RNGTT: variants seen among roughly 807,000 people sequenced by gnomAD.
The protein encoded by RNGTT is RNA guanylyltransferase and 5'-phosphatase, also known as mRNA-capping enzyme.
RNGTT carries 33 observed loss-of-function variants against 79.3 expected under a neutral mutation model. The observed-to-expected ratio is 0.42, with a 90% confidence interval of 0.32 to 0.56. RNGTT has a LOEUF of 0.56. Among genes scored for constraint, RNGTT ranks in the 20% least tolerant of loss-of-function variants. RNGTT has a pLI of 0.17. For missense variants in RNGTT, 497 were observed against 739.1 expected (o/e 0.67, Z 3.80); for synonymous variants, 222 against 235.9 (o/e 0.94, Z 0.54).
At chr6:88,880,952 T>C (rs549756121) in intron 8 of RNGTT, among the ~76,000 whole-genome samples, 1 of 152,286 alleles carries the variant, frequency 6.6e-6, no homozygotes, top group Admixed American at 6.5e-5. Context: ...AAAGCAGATT[T>C]CACAATTACA....
At chr6:88,689,716 T>C (rs1775412164) in intron 13 of RNGTT, among the ~76,000 whole-genome samples, 1 of 151,870 alleles carries the variant, frequency 6.6e-6, no homozygotes. Flanking sequence ...TTCACCAATA[T>C]TTAAAATATT....
chr6:88,637,228 C>T (rs908715019), intron 14 of RNGTT, among the ~76,000 whole-genome samples: 4 of 151,924 alleles, frequency 2.6e-5, no homozygotes, highest in African/African-American at 9.7e-5. Flanking sequence ...TCTTCCATTC[C>T]CTCTCCTTCA....
At chr6:88,720,445 C>G (rs543810889) in intron 13 of RNGTT, among the ~76,000 whole-genome samples, 1 of 152,102 alleles carries the variant, frequency 6.6e-6, no homozygotes, top group African/African-American at 2.4e-5. Flanking sequence ...ATTTTTCATA[C>G]AAGTTATACC....
chr6:88,867,629 T>C (rs1054752847), intron 8 of RNGTT, among the ~76,000 whole-genome samples: 1 of 152,202 alleles, frequency 6.6e-6, no homozygotes, highest in Non-Finnish European at 1.5e-5. Context: ...CAATAGATTT[T>C]CTCTTCTTAG....
In RNGTT at chr6:88,752,859, CATAAAT is replaced by C. The variant is rs554615933; in HGVS notation, c.1439+16909_1439+16914del. On this transcript the variant is annotated intron_variant, in intron 13 of 15. Coordinates refer to ENST00000369485, the MANE Select transcript of RNGTT (RefSeq NM_003800.5). ...CTGTATCAAAACATCTCATGTACCT[CATAAAT>C]ATAAACACCTACTATGTACCCACAA... 6.8e-3 allele frequency among the ~76,000 whole-genome samples: 1,027 copies of C among 152,046 alleles called. 5 individuals are homozygous for C. Among genetic ancestry groups the C allele is most frequent in the Middle Eastern group, 0.048 (14 of 294 alleles).
At chr6:88,631,624 G>C (rs753588268) in intron 14 of RNGTT, among the ~76,000 whole-genome samples, 5 of 152,026 alleles carry the variant, frequency 3.3e-5, no homozygotes, top group Admixed American at 6.6e-5. Context: ...CTGAGATCTT[G>C]AGCAACATTT....
At chr6:88,864,325 T>C (rs966420377) in intron 8 of RNGTT, among the ~76,000 whole-genome samples, 5 of 152,156 alleles carry the variant, frequency 3.3e-5, no homozygotes, top group African/African-American at 4.8e-5. Context: ...GGTTGAAGTA[T>C]AGTTGAAATG....
chr6:88,630,888 T>C (rs571621398), intron 14 of RNGTT, among the ~76,000 whole-genome samples: 1 of 152,214 alleles, frequency 6.6e-6, no homozygotes, highest in Non-Finnish European at 1.5e-5. Flanking sequence ...GGAAATTTGT[T>C]TGCTTTGTTA....
At chr6:88,936,883 C>T (rs201156073) in intron 2 of RNGTT, among the ~76,000 whole-genome samples, 2 of 152,156 alleles carry the variant, frequency 1.3e-5, no homozygotes, top group African/African-American at 4.8e-5. Flanking sequence ...GCATCCGGTC[C>T]TAGACTTTTT....
chr6:88,802,637 T>A (rs1779828142), intron 11 of RNGTT, among the ~76,000 whole-genome samples: 1 of 152,176 alleles, frequency 6.6e-6, no homozygotes, highest in South Asian at 2.1e-4. Flanking sequence ...GGACTTGCTG[T>A]TCCACATGGC....
intron 14 of RNGTT, among the ~76,000 whole-genome samples, chr6:88,622,995 C>T (rs9451034): frequency 0.03 from 4,563 of 152,032 alleles, 234 homozygotes; most frequent in African/African-American, 0.1. Context: ...GAGACTAATG[C>T]AGAGAGAAAA....
intron 1 of RNGTT, among the ~76,000 whole-genome samples, chr6:88,944,491 C>T (rs1409374043): frequency 3.3e-5 from 5 of 152,080 alleles, no homozygotes; most frequent in South Asian, 2.1e-4. Context: ...CCCTTCTGCT[C>T]GGGATTTCCT....
Position 88,949,308 on chromosome 6 carries a change from C to A in RNGTT, c.65-8128G>T, listed in dbSNP as rs1785165779. On this transcript the variant is annotated intron_variant, in intron 1 of 15. Coordinates refer to ENST00000369485, the MANE Select transcript of RNGTT (RefSeq NM_003800.5). ...ACAGAGTCTTGCTCTGTTGCCCAGG[C>A]TGGAGTCAGTAGCACAACCTCGGCT... Among the ~76,000 whole-genome samples, 3 of 136,592 alleles carry A rather than the reference C, an allele frequency of 2.2e-5. No homozygotes were observed. The South Asian group carries it at 6.9e-4, about 31-fold the overall frequency. The allele number at this position is 136,592 out of a possible 152,430, so 89.6% of individuals were successfully genotyped here.
chr6:88,706,186 T>C (rs1582359923), intron 13 of RNGTT, among the ~76,000 whole-genome samples: 1 of 152,176 alleles, frequency 6.6e-6, no homozygotes, highest in East Asian at 1.9e-4. Flanking sequence ...AGTCTTAGAA[T>C]GAATATGCAT....
At chr6:88,837,473 C>T (rs1009660243) in intron 11 of RNGTT, among the ~76,000 whole-genome samples, 1 of 151,818 alleles carries the variant, frequency 6.6e-6, no homozygotes, top group African/African-American at 2.4e-5. Flanking sequence ...CTGATGAAAA[C>T]AGAGTATAAC....
At chr6:88,925,155 G>A (rs1393189890) in intron 4 of RNGTT, among the ~76,000 whole-genome samples, 3 of 151,708 alleles carry the variant, frequency 2.0e-5, no homozygotes, top group African/African-American at 7.3e-5. Context: ...TGTTAGTATA[G>A]CAGTGACAAG....
At chr6:88,810,375 G>T (rs1780097843) in intron 11 of RNGTT, among the ~76,000 whole-genome samples, 1 of 152,108 alleles carries the variant, frequency 6.6e-6, no homozygotes, top group African/African-American at 2.4e-5. Context: ...CTGAGTAATA[G>T]GTAGGAATGA....
intron 11 of RNGTT, among the ~76,000 whole-genome samples, chr6:88,823,391 G>A (rs776729500): frequency 1.3e-4 from 20 of 151,196 alleles, no homozygotes; most frequent in Non-Finnish European, 2.5e-4. Context: ...AGTCAAGATC[G>A]CACCATTGCA....
intron 14 of RNGTT, among the ~76,000 whole-genome samples, chr6:88,659,584 CAGACAA>C (rs1054222375): frequency 6.7e-5 from 10 of 149,956 alleles, no homozygotes; most frequent in Admixed American, 4.0e-4. Context: ...TTAACCCAAT[CAGACAA>C]AGACAAAGAG....
Sources: gnomAD v4.1 joint callset for allele counts (sites outside exome capture counted in the v4.1 genomes callset) on GRCh38, gnomAD v4.1.1 for gene constraint, MANE v1.5 for transcripts, NCBI Gene and HGNC (gene_info 2026-07-23, HGNC 2026-07-21) for gene names.